Variants in PCDHGB5 observed in about 807,000 individuals in gnomAD.
PCDHGB5 encodes the protein protocadherin gamma-B5.
PCDHGB5 carries 48 observed loss-of-function variants against 62.9 expected under a neutral mutation model. That is an observed-to-expected ratio of 0.76 (90% confidence interval 0.61 to 0.97). PCDHGB5 has a LOEUF of 0.97. PCDHGB5 is among the 50% of genes least tolerant of loss of function. PCDHGB5 has a pLI of 0.00. For missense variants in PCDHGB5, 1,118 were observed against 1,198.6 expected, an observed-to-expected ratio of 0.93 and a Z score of 0.99; for synonymous variants, 474 against 511.2, an observed-to-expected ratio of 0.93 and a Z score of 0.98.
rs757926227 is a variant in PCDHGB5, at chr5:141,432,889, G to A, written c.2397+32365G>A. 1.6e-5 allele frequency: 26 copies of A among 1,614,180 alleles called. No individual in the cohort carries two copies. In the East Asian group the frequency reaches 5.8e-4, roughly 36 times the overall value. On this transcript the variant is annotated intron_variant, in intron 1 of 3. Transcript: ENST00000617380. This position sits in a 1 kb window ranked among gnomAD's most constrained non-coding sequence, Gnocchi z 6.0. ...GCGTCTTCCTGGCCTTCGTCATCTT[G>A]CTGCTGGCGCTCAGGCTGCGGCGCT...
intron 1 of PCDHGB5, among the ~76,000 whole-genome samples, chr5:141,454,750 T>C (rs992030704): frequency 1.3e-5 from 2 of 150,108 alleles, no homozygotes; most frequent in Admixed American, 6.7e-5. Flanking sequence ...GAGGCCAAAC[T>C]AATCTTGACA....
intron 1 of PCDHGB5, chr5:141,421,627 T>C: frequency 6.2e-7 from 1 of 1,613,846 alleles, no homozygotes; most frequent in Non-Finnish European, 8.5e-7. Context: ...CGCCCCCAGC[T>C]TCCAGGAGGA....
At chr5:141,470,038 A>C (rs1256439782) in intron 1 of PCDHGB5, among the ~76,000 whole-genome samples, 1 of 152,204 alleles carries the variant, frequency 6.6e-6, no homozygotes, top group Non-Finnish European at 1.5e-5. Flanking sequence ...CTGAGGCGCG[A>C]GAACTGTTTG....
Position 141,458,007 on chromosome 5 carries a change from C to T in PCDHGB5, c.2398-36800C>T, listed in dbSNP as rs142050242. Among the ~76,000 whole-genome samples the T allele has an allele frequency of 1.3e-3, 200 of 152,274 alleles. 1 individual carries two copies. The East Asian group carries it at 0.032, about 24-fold the overall frequency. ...TCAGTTAAAGCCTTGGCAAAATAAC[C>T]GGTTTTTCCAATTGTGTTCTGTTGA... On this transcript the variant is annotated intron_variant, in intron 1 of 3. Transcript: ENST00000617380.
chr5:141,414,778 C>G, intron 1 of PCDHGB5: 5 of 1,614,202 alleles, frequency 3.1e-6, no homozygotes, highest in Non-Finnish European at 3.4e-6. Context: ...GCTACAGATG[C>G]AGGTGACAGC....
rs2099606506 is a variant in PCDHGB5 at position 141,485,072 on chromosome 5, G to A, written c.2398-9735G>A. ...CCGGCCGAACCGCGCCAGAGCTGGC[G>A]CGGGGAAAGGGAGATAGGTGTCTCC... On this transcript the variant is annotated intron_variant, in intron 1 of 3. Transcript: ENST00000617380. This position sits in a 1 kb window ranked among gnomAD's most constrained non-coding sequence, Gnocchi z 5.7. 2 of 916,892 alleles carry A rather than the reference G, an allele frequency of 2.2e-6. No homozygotes were observed. The highest frequency in any genetic ancestry group is 3.4e-6 in the Non-Finnish European group (2 of 587,886). The allele number at this position is 916,892 out of a possible 1,614,324, so 56.8% of individuals were successfully genotyped here.
chr5:141,478,718 C>T, intron 1 of PCDHGB5: 1 of 1,544,994 alleles, frequency 6.5e-7, no homozygotes, highest in East Asian at 2.4e-5. Context: ...AGATGGTGGC[C>T]TGCCAGAGTG....
At chr5:141,416,993 C>T (rs1230909560) in intron 1 of PCDHGB5, 1 of 151,494 alleles carries the variant, frequency 6.6e-6, no homozygotes, top group Non-Finnish European at 1.5e-5. Context: ...ATTGTGCATT[C>T]ATCTCAAATA....
Position 141,476,290 on chromosome 5 carries a change from C to G in PCDHGB5, c.2398-18517C>G, listed in dbSNP as rs768208156. The stretch of plus-strand genomic sequence containing the variant: ...TGGTCGCGAACCTTGGTTTGGATCT[C>G]GGTAGCCTCTCAGCCCGCAGGTTCC... On this transcript the variant is annotated intron_variant, in intron 1 of 3. Coordinates refer to ENST00000617380, the MANE Select transcript of PCDHGB5 (RefSeq NM_018925.3). The surrounding 1 kb of genome is among the most constrained non-coding windows in gnomAD (Gnocchi z 7.6). 1 of 1,614,050 alleles carries G rather than the reference C, an allele frequency of 6.2e-7. No homozygotes were observed. The highest frequency in any genetic ancestry group is 1.7e-5 in the Admixed American group (1 of 60,012).
intron 2 of PCDHGB5, 141 bp downstream of exon 2, chr5:141,495,006 G>C (rs1030195663): frequency 2.0e-6 from 3 of 1,521,446 alleles, no homozygotes; most frequent in Non-Finnish European, 8.8e-7. Flanking sequence ...CTTGGTGTGC[G>C]GGGGGCTGGC....
chr5:141,414,613 G>A (rs957641063), intron 1 of PCDHGB5: 2 of 1,613,988 alleles, frequency 1.2e-6, no homozygotes, highest in East Asian at 4.5e-5. Flanking sequence ...CTCAGTGACA[G>A]CGCTGGACCC....
Position 141,485,731 on chromosome 5 carries a change from C to T in PCDHGB5, c.2398-9076C>T, listed in dbSNP as rs1440070106. The T allele has an allele frequency of 1.9e-6, 3 of 1,614,036 alleles. No individual in the cohort carries two copies. The highest frequency in any genetic ancestry group is 2.2e-5 in the South Asian group (2 of 91,080). On this transcript the variant is annotated intron_variant, in intron 1 of 3. Transcript: ENST00000617380. This position sits in a 1 kb window ranked among gnomAD's most constrained non-coding sequence, Gnocchi z 5.7. ...TTGCACTGGATGTGAAGAAGCGCAG[C>T]GACGGCAGCCTGGTCCCAGAGCTGC...
intron 1 of PCDHGB5, chr5:141,412,017 A>C (rs914087284): frequency 1.4e-5 from 2 of 146,532 alleles, no homozygotes; most frequent in African/African-American, 5.3e-5. Context: ...ACTTCTGAAC[A>C]TCCTGTTCTC....
chr5:141,509,300 G>A (rs987250093), intron 3 of PCDHGB5, among the ~76,000 whole-genome samples: 5 of 152,216 alleles, frequency 3.3e-5, no homozygotes, highest in African/African-American at 1.2e-4. Flanking sequence ...GGTGGAGGCA[G>A]AGGGAGGCTG....
chr5:141,478,095 C>T, intron 1 of PCDHGB5: 5 of 1,614,100 alleles, frequency 3.1e-6, no homozygotes, highest in Non-Finnish European at 4.2e-6. Context: ...TCCACCACTG[C>T]TACCCTCACT....
At chr5:141,443,547 T>C (rs1210940890) in intron 1 of PCDHGB5, among the ~76,000 whole-genome samples, 2 of 152,192 alleles carry the variant, frequency 1.3e-5, no homozygotes, top group Non-Finnish European at 2.9e-5. Context: ...TGGGAAATTG[T>C]TCCAATTCAA....
chr5:141,452,463 G>A (rs2098741767), intron 1 of PCDHGB5, among the ~76,000 whole-genome samples: 1 of 152,160 alleles, frequency 6.6e-6, no homozygotes, highest in African/African-American at 2.4e-5. Flanking sequence ...AGCAGACGGA[G>A]CTAGGAAAAA....
chr5:141,486,561 T>C lies in PCDHGB5; in HGVS notation c.2398-8246T>C. ...TTCTTTCAGAGGTCACATGAGGTGT[T>C]TGTTCCTGAGAACAATCGCCCAGGG... On this transcript the variant is annotated intron_variant, in intron 1 of 3. Transcript: ENST00000617380. This position sits in a 1 kb window ranked among gnomAD's most constrained non-coding sequence, Gnocchi z 5.0. 6.2e-7 allele frequency: 1 copy of C among 1,614,076 alleles called. No individual in the cohort carries two copies. Among genetic ancestry groups the C allele is most frequent in the Non-Finnish European group, 8.5e-7 (1 of 1,180,030 alleles).
intron 1 of PCDHGB5, among the ~76,000 whole-genome samples, chr5:141,459,613 C>T (rs1040874685): frequency 2.6e-5 from 4 of 152,188 alleles, no homozygotes; most frequent in African/African-American, 9.7e-5. Context: ...ATATGCTTAA[C>T]TTTATAAGAA....
Sources: gnomAD v4.1 joint callset for allele counts (sites outside exome capture counted in the v4.1 genomes callset) on GRCh38, gnomAD v4.1.1 for gene constraint, Gnocchi (gnomAD v3.1) non-coding constraint, MANE v1.5 for transcripts, NCBI Gene and HGNC (gene_info 2026-07-23, HGNC 2026-07-21) for gene names.